FSTL4: variants seen among roughly 807,000 people sequenced by gnomAD.
FSTL4 encodes the protein follistatin like 4, also known as follistatin-related protein 4.
FSTL4 carries 28 observed loss-of-function variants against 78.2 expected under a neutral mutation model. The ratio of observed to expected loss-of-function variants is 0.36; its 90% CI spans 0.27 to 0.49. The LOEUF (loss-of-function observed/expected upper bound fraction) is 0.49, where lower values mean the gene tolerates loss of function less well. FSTL4 is among the 20% of genes least tolerant of loss of function. FSTL4 has a pLI of 0.98. For missense variants in FSTL4, 922 were observed against 1,084.9 expected (o/e 0.85, Z 2.11); for synonymous variants, 422 against 440.5 (o/e 0.96, Z 0.53).
upstream of FSTL4, among the ~76,000 whole-genome samples, chr5:133,615,036 T>C (rs1761173352): frequency 6.6e-6 from 1 of 152,230 alleles, no homozygotes; most frequent in African/African-American, 2.4e-5. Context: ...GTGTGTCTCT[T>C]AGGACATTTC....
intron 6 of FSTL4, among the ~76,000 whole-genome samples, chr5:133,310,021 T>C (rs1753743327): frequency 6.6e-6 from 1 of 152,212 alleles, no homozygotes; most frequent in Non-Finnish European, 1.5e-5. Flanking sequence ...ATATGTCTCA[T>C]TTCAATTACC....
At chr5:133,668,133 C>T in the FSTL4 span, among the ~76,000 whole-genome samples, 1 of 152,202 alleles carries the variant, frequency 6.6e-6, no homozygotes, top group Non-Finnish European at 1.5e-5. Flanking sequence ...TTCTCGTGTG[C>T]TGCACACAGC....
the FSTL4 span, among the ~76,000 whole-genome samples, chr5:133,750,089 G>A: frequency 6.6e-6 from 1 of 152,156 alleles, no homozygotes; most frequent in South Asian, 2.1e-4. Flanking sequence ...GTGAGCTGGG[G>A]ATGGGAGATG....
chr5:133,551,374 A>C (rs1022730115), intron 3 of FSTL4, among the ~76,000 whole-genome samples: 1 of 152,260 alleles, frequency 6.6e-6, no homozygotes, highest in Non-Finnish European at 1.5e-5. Context: ...AAATGTACAA[A>C]GCAAACAATT....
At chr5:133,811,747 T>C in the FSTL4 span, among the ~76,000 whole-genome samples, 1 of 152,214 alleles carries the variant, frequency 6.6e-6, no homozygotes, top group Non-Finnish European at 1.5e-5. Context: ...AACTCTGCCA[T>C]TCCCCATCTA....
At chr5:133,633,602 C>T in the FSTL4 span, among the ~76,000 whole-genome samples, 2 of 152,130 alleles carry the variant, frequency 1.3e-5, no homozygotes, top group East Asian at 3.8e-4. Flanking sequence ...AACATCTCTG[C>T]CATTTCAGTG....
intron 3 of FSTL4, among the ~76,000 whole-genome samples, chr5:133,563,242 C>T (rs1489739175): frequency 2.0e-5 from 3 of 152,152 alleles, no homozygotes; most frequent in African/African-American, 7.2e-5. Flanking sequence ...CTGTGTCTAC[C>T]TTCAAGTCCC....
chr5:133,568,169 T>TG (rs1290157402), intron 2 of FSTL4, among the ~76,000 whole-genome samples: 1 of 151,948 alleles, frequency 6.6e-6, no homozygotes, highest in East Asian at 1.9e-4. Context: ...TGAGAACTAA[T>TG]GGGGGGAAAG....
At chr5:133,544,841 G>A (rs558838610) in intron 3 of FSTL4, among the ~76,000 whole-genome samples, 64 of 152,322 alleles carry the variant, frequency 4.2e-4, no homozygotes, top group Non-Finnish European at 5.0e-4. Context: ...TATTTGGGGA[G>A]CTAAGAGCTC....
At chr5:133,383,074 C>G (rs1160101976) in intron 4 of FSTL4, among the ~76,000 whole-genome samples, 1 of 152,174 alleles carries the variant, frequency 6.6e-6, no homozygotes, top group Non-Finnish European at 1.5e-5. Flanking sequence ...AATGACCTCT[C>G]CATTGGCATG....
At chr5:133,224,266 A>G in intron 10 of FSTL4, 50 bp from the exon 11 acceptor site, 1 of 1,481,036 alleles carries the variant, frequency 6.8e-7, no homozygotes, top group Non-Finnish European at 9.4e-7. Flanking sequence ...AGTCAAGGAA[A>G]AAGAAGAAAG....
At chr5:133,773,880 G>C in the FSTL4 span, among the ~76,000 whole-genome samples, 1 of 152,170 alleles carries the variant, frequency 6.6e-6, no homozygotes, top group South Asian at 2.1e-4. Flanking sequence ...TAGAGAGCAA[G>C]AACAAGCTTC....
chr5:133,836,640 CTT>C, the FSTL4 span, among the ~76,000 whole-genome samples: 1 of 142,788 alleles, frequency 7.0e-6, no homozygotes, highest in African/African-American at 2.6e-5. Context: ...TCAGATGTTC[CTT>C]TTTTTTTTTA....
Position 133,514,182 on chromosome 5 carries a change from G to GATGATA in FSTL4, c.160+53003_160+53004insTATCAT, listed in dbSNP as rs1554067733. ...CTAAAGAGCAAGACTCCGTCTCAAT[G>GATGATA]ATAATAATAATAATAATAATAATAA... On this transcript the variant is annotated intron_variant, in intron 3 of 15. Coordinates refer to ENST00000265342, the MANE Select transcript of FSTL4 (RefSeq NM_015082.2). Among the ~76,000 whole-genome samples the GATGATA allele has an allele frequency of 9.4e-5, 11 of 116,634 alleles. No homozygotes were observed. In the South Asian group the frequency reaches 1.4e-3, roughly 14 times the overall value. The allele number at this position is 116,634 out of a possible 152,430, so 76.5% of individuals were successfully genotyped here.
chr5:133,642,728 C>A, the FSTL4 span, among the ~76,000 whole-genome samples: 75 of 152,170 alleles, frequency 4.9e-4, no homozygotes, highest in African/African-American at 1.8e-3. Flanking sequence ...CAATTATGCT[C>A]AAATATTTTA....
the FSTL4 span, among the ~76,000 whole-genome samples, chr5:133,734,567 G>A: frequency 6.6e-4 from 101 of 152,326 alleles, 1 homozygote; most frequent in African/African-American, 1.1e-3. Context: ...ACAGGCACAC[G>A]ATGGGGAGTC....
At position 133,432,361 on chromosome 5, in the gene FSTL4, T is replaced by C. The variant is rs182936082; in HGVS notation, c.161-31375A>G. ...TGACATTTCTGCCTCTCCCACAATA[T>C]CTACCCAATGCCATGAACATCAGAC... On this transcript the variant is annotated intron_variant, in intron 3 of 15. Transcript: ENST00000265342. 2.6e-5 allele frequency among the ~76,000 whole-genome samples: 4 copies of C among 152,286 alleles called. No individual in the cohort carries two copies. The East Asian group carries it at 7.7e-4, about 29-fold the overall frequency.
intron 3 of FSTL4, among the ~76,000 whole-genome samples, chr5:133,552,727 A>G (rs1282029788): frequency 6.6e-6 from 1 of 152,172 alleles, no homozygotes; most frequent in African/African-American, 2.4e-5. Context: ...TCTTAGGAGA[A>G]ACCTGTCTTA....
intron 3 of FSTL4, among the ~76,000 whole-genome samples, chr5:133,459,667 C>G (rs902219402): frequency 6.6e-6 from 1 of 152,182 alleles, no homozygotes; most frequent in African/African-American, 2.4e-5. Flanking sequence ...TAGTCTGAGG[C>G]AATGGGGTCA....
Sources: allele counts gnomAD v4.1 joint callset (sites outside exome capture counted in the v4.1 genomes callset), GRCh38; gene constraint gnomAD v4.1.1; transcripts MANE v1.5; gene names NCBI Gene and HGNC (gene_info 2026-07-23, HGNC 2026-07-21).